GLB1L3: variants seen among roughly 807,000 people sequenced by gnomAD.
GLB1L3 encodes the protein galactosidase beta 1 like 3, also known as beta-galactosidase-1-like protein 3.
A neutral mutation model predicts 89.5 loss-of-function variants in GLB1L3; 89 were observed. The ratio of observed to expected loss-of-function variants is 0.99; its 90% CI spans 0.84 to 1.19. The LOEUF (loss-of-function observed/expected upper bound fraction) is 1.19, where lower values mean the gene tolerates loss of function less well. Ranked by LOEUF, GLB1L3 falls within the 50% of genes most tolerant of loss-of-function variation. The pLI, the probability that GLB1L3 is intolerant of heterozygous loss-of-function variation, is 0.00. For synonymous variants in GLB1L3, 314 were observed against 312.3 expected, an observed-to-expected ratio of 1.01 and a Z score of -0.06; for missense variants, 812 against 813.3, an observed-to-expected ratio of 1.00 and a Z score of 0.02.
In GLB1L3 at chr11:134,311,110, TC is replaced by T. The variant is rs758614894; in HGVS notation, c.1233del (p.Val412Ter). 9 of 1,613,608 alleles carry T rather than the reference TC, an allele frequency of 5.6e-6. No homozygotes were observed. Among genetic ancestry groups the T allele is most frequent in the South Asian group, 5.5e-5 (5 of 91,060 alleles). On this transcript the variant is annotated frameshift_variant, in exon 13 of 20. Coordinates refer to ENST00000431683, the MANE Select transcript of GLB1L3 (RefSeq NM_001080407.3). LOFTEE classifies it high-confidence loss of function. ...CCAAACTTCCTCCCAAGGCTGTGTA[TC>T]CCCCCGTGAGACCGTCGCTGTACCT... is the stretch of plus-strand genomic sequence containing the variant. ...VPKLPPKAVY[P>X]PVRPSLYLPL...
intron 9 of GLB1L3, among the ~76,000 whole-genome samples, chr11:134,300,762 T>G (rs2136177164): frequency 6.6e-6 from 1 of 152,300 alleles, no homozygotes; most frequent in East Asian, 1.9e-4. Flanking sequence ...GAGACCCTGG[T>G]GTGTCAAAAT....
At chr11:134,290,949 T>C (rs1032996512) in intron 7 of GLB1L3, among the ~76,000 whole-genome samples, 1 of 152,094 alleles carries the variant, frequency 6.6e-6, no homozygotes, top group Non-Finnish European at 1.5e-5. Context: ...CTGGAGACTT[T>C]GATCATGGGG....
intron 11 of GLB1L3, 134 bp downstream of exon 11, chr11:134,309,897 T>C (rs1446684704): frequency 1.0e-6 from 1 of 968,414 alleles, no homozygotes; most frequent in Non-Finnish European, 1.5e-6. Context: ...GATTTTCCTA[T>C]CTACTTTCCT....
intron 13 of GLB1L3, chr11:134,311,938 A>G (rs1942752969): frequency 6.4e-6 from 1 of 157,236 alleles, no homozygotes; most frequent in Admixed American, 6.4e-5. Flanking sequence ...CTGGGATTAC[A>G]GGAGGGCACC....
intron 18 of GLB1L3, chr11:134,316,812 G>A (rs1943002219): frequency 6.6e-6 from 1 of 152,160 alleles, no homozygotes; most frequent in Non-Finnish European, 1.5e-5. Context: ...CCTTCATACG[G>A]CTGTGTGGAT....
chr11:134,284,153 G>A (rs1347399140), intron 6 of GLB1L3, among the ~76,000 whole-genome samples: 1 of 151,994 alleles, frequency 6.6e-6, no homozygotes, highest in Non-Finnish European at 1.5e-5. Flanking sequence ...TTTTGACATG[G>A]CAAAAAGACT....
chr11:134,281,901 G>A (rs1940708669), intron 4 of GLB1L3, 124 bp from the exon 5 acceptor site: 2 of 757,458 alleles, frequency 2.6e-6, no homozygotes, highest in Non-Finnish European at 4.2e-6. Context: ...CCCACGCTTT[G>A]GGGGTGGGGC....
At chr11:134,279,364 C>CTTT (rs10577769) in intron 3 of GLB1L3, among the ~76,000 whole-genome samples, 7 of 108,336 alleles carry the variant, frequency 6.5e-5, no homozygotes, top group Admixed American at 1.1e-4. Context: ...TTTTCTTTTT[C>CTTT]TTTTTTTTTT....
At chr11:134,308,149 C>T (rs1197313822) in intron 10 of GLB1L3, among the ~76,000 whole-genome samples, 2 of 145,980 alleles carry the variant, frequency 1.4e-5, no homozygotes, top group African/African-American at 5.1e-5. Flanking sequence ...CAATCACCAT[C>T]ATCACCAACA....
At chr11:134,285,704 C>A (rs1940943614) in intron 6 of GLB1L3, among the ~76,000 whole-genome samples, 1 of 152,092 alleles carries the variant, frequency 6.6e-6, no homozygotes, top group African/African-American at 2.4e-5. Context: ...ATGGCTTGAG[C>A]CCAGTTGCAG....
chr11:134,305,254 C>G (rs575425244), intron 9 of GLB1L3: 2 of 727,356 alleles, frequency 2.7e-6, no homozygotes, highest in Non-Finnish European at 5.0e-6. Flanking sequence ...AGTGCATTCC[C>G]TTCACCAGCT....
At chr11:134,308,565 C>CCAT (rs1565414523) in intron 10 of GLB1L3, among the ~76,000 whole-genome samples, 2 of 140,414 alleles carry the variant, frequency 1.4e-5, no homozygotes, top group Non-Finnish European at 1.6e-5. Context: ...ATCACCACCA[C>CCAT]CACCACCATC....
At chr11:134,305,428 C>T (rs188742193) in intron 9 of GLB1L3, 49 of 338,268 alleles carry the variant, frequency 1.4e-4, no homozygotes, top group African/African-American at 8.8e-4. Context: ...AATGCTTTTG[C>T]GCTTCTTCCT....
At chr11:134,299,311 T>C (rs1443791499) in intron 9 of GLB1L3, among the ~76,000 whole-genome samples, 3 of 152,110 alleles carry the variant, frequency 2.0e-5, no homozygotes, top group African/African-American at 7.3e-5. Context: ...CTGTTTCTGA[T>C]GATTGCTTTA....
intron 13 of GLB1L3, 180 bp downstream of exon 13, chr11:134,311,350 G>T: frequency 1.6e-6 from 1 of 607,890 alleles, no homozygotes; most frequent in African/African-American, 1.8e-5. Context: ...GTTTGACCTT[G>T]GAGTCAGTGT....
intron 18 of GLB1L3, among the ~76,000 whole-genome samples, chr11:134,318,079 T>C (rs1428046604): frequency 6.6e-6 from 1 of 152,200 alleles, no homozygotes; most frequent in Non-Finnish European, 1.5e-5. Flanking sequence ...TATAACTACT[T>C]TATTTGAAAT....
At position 134,277,552 on chromosome 11, in the gene GLB1L3, T is replaced by A; in HGVS notation, c.149+101T>A. 7.8e-6 allele frequency: 12 copies of A among 1,546,142 alleles called. No individual in the cohort carries two copies. In the South Asian group the frequency reaches 1.1e-4, roughly 15 times the overall value. On this transcript the variant is annotated intron_variant, in intron 2 of 19. Coordinates refer to ENST00000431683, the MANE Select transcript of GLB1L3 (RefSeq NM_001080407.3). Reference sequence around the variant, plus strand: ...ATGCACAGAACACGTCCTACTAACATATGCACAGAACACGTCCTACTAACA... The same window carrying A: ...ATGCACAGAACACGTCCTACTAACAAATGCACAGAACACGTCCTACTAACA...
downstream of GLB1L3, among the ~76,000 whole-genome samples, chr11:134,323,506 C>T (rs1199640338): frequency 3.3e-5 from 5 of 151,676 alleles, no homozygotes; most frequent in Admixed American, 2.0e-4. Context: ...ACCCGGGAGG[C>T]GGAGCTTGCA....
chr11:134,320,825 T>C (rs1943157221), downstream of GLB1L3, among the ~76,000 whole-genome samples: 2 of 152,138 alleles, frequency 1.3e-5, no homozygotes, highest in African/African-American at 4.8e-5. Flanking sequence ...TGATGTTCTG[T>C]AGCGGCCTTT....
Sources: gnomAD v4.1 joint callset for allele counts (sites outside exome capture counted in the v4.1 genomes callset) on GRCh38, gnomAD v4.1.1 for gene constraint, MANE v1.5 for transcripts, NCBI Gene and HGNC (gene_info 2026-07-23, HGNC 2026-07-21) for gene names.